Variants in CLDN10 observed in about 807,000 individuals in gnomAD.
CLDN10 encodes the protein claudin 10.
A neutral mutation model predicts 22.9 loss-of-function variants in CLDN10; 15 were observed. The observed-to-expected ratio is 0.65, with a 90% CI of 0.44 to 1.01. CLDN10 has a LOEUF of 1.01. Ranked by LOEUF, CLDN10 falls within the 50% of genes least tolerant of loss-of-function variation. The pLI is 0.00. For synonymous variants in CLDN10, 114 were observed against 111.4 expected, an observed-to-expected ratio of 1.02 and a Z score of -0.15; for missense variants, 247 against 287.8, an observed-to-expected ratio of 0.86 and a Z score of 1.03.
intron 1 of CLDN10, among the ~76,000 whole-genome samples, chr13:95,480,370 A>G (rs9584312): frequency 0.57 from 87,274 of 152,140 alleles, 26,882 homozygotes; most frequent in African/African-American, 0.82. Flanking sequence ...CCTGTATTAG[A>G]GGAGAATGCC....
At chr13:95,506,726 A>G (rs2043042577) in intron 1 of CLDN10, among the ~76,000 whole-genome samples, 1 of 152,156 alleles carries the variant, frequency 6.6e-6, no homozygotes, top group Admixed American at 6.5e-5. Context: ...ACTTGGTGAG[A>G]GTTGTAGTCT....
chr13:95,494,023 T>A (rs886476871), intron 1 of CLDN10, among the ~76,000 whole-genome samples: 5 of 152,264 alleles, frequency 3.3e-5, no homozygotes, highest in African/African-American at 9.6e-5. Flanking sequence ...GATAAAGACG[T>A]TTTAACATAA....
chr13:95,491,072 T>C (rs989535719), intron 1 of CLDN10, among the ~76,000 whole-genome samples: 3 of 152,220 alleles, frequency 2.0e-5, no homozygotes, highest in Middle Eastern at 3.2e-3. Flanking sequence ...TAAGAATAAC[T>C]ACCCCTGCTC....
At chr13:95,506,532 T>C (rs2043040782) in intron 1 of CLDN10, among the ~76,000 whole-genome samples, 1 of 152,184 alleles carries the variant, frequency 6.6e-6, no homozygotes, top group African/African-American at 2.4e-5. Flanking sequence ...CTGGGAGAAG[T>C]TCTGCCACCT....
intron 1 of CLDN10, among the ~76,000 whole-genome samples, chr13:95,501,043 A>C (rs9524987): frequency 0.42 from 64,053 of 151,692 alleles, 14,799 homozygotes; most frequent in Non-Finnish European, 0.51. Flanking sequence ...TTTACAGAGT[A>C]TTACTCTGTC....
At chr13:95,536,666 C>CG (rs1328561231) in intron 1 of CLDN10, among the ~76,000 whole-genome samples, 4 of 152,144 alleles carry the variant, frequency 2.6e-5, no homozygotes. Flanking sequence ...GCCATCTATG[C>CG]GTTGCAGTTA....
chr13:95,489,444 T>C (rs1228535335), intron 1 of CLDN10, among the ~76,000 whole-genome samples: 1 of 152,168 alleles, frequency 6.6e-6, no homozygotes, highest in African/African-American at 2.4e-5. Flanking sequence ...TGGTATCGCA[T>C]TGTGGTTTTG....
intron 1 of CLDN10, among the ~76,000 whole-genome samples, chr13:95,469,613 T>C (rs2042611497): frequency 6.6e-6 from 1 of 152,220 alleles, no homozygotes; most frequent in Non-Finnish European, 1.5e-5. Flanking sequence ...GTAGCAGGGA[T>C]AGAACTGGAA....
In CLDN10 at chr13:95,554,297, G is replaced by GTGTT. The variant is rs2043606673; in HGVS notation, c.220+1325_220+1328dup. On this transcript the variant is annotated intron_variant, in intron 1 of 4. Coordinates refer to ENST00000299339, the MANE Select transcript of CLDN10 (RefSeq NM_006984.5). Reference sequence around the variant, plus strand: ...GTTCCTGTGATTTATAGTCAGCAATGTGTTACTGTCCTCTGAACACTCTTC... The same window carrying GTGTT: ...GTTCCTGTGATTTATAGTCAGCAATGTGTTTGTTACTGTCCTCTGAACACTCTTC... 2.0e-5 allele frequency among the ~76,000 whole-genome samples: 3 copies of GTGTT among 152,166 alleles called. No individual in the cohort carries two copies. The South Asian group carries it at 6.2e-4, about 32-fold the overall frequency.
chr13:95,444,272 T>C (rs940045478), intron 1 of CLDN10, among the ~76,000 whole-genome samples: 80 of 152,204 alleles, frequency 5.3e-4, no homozygotes, highest in African/African-American at 1.6e-3. Flanking sequence ...TAATGTACAT[T>C]ATAGAAAGCG....
At chr13:95,496,832 G>A (rs1268165471) in intron 1 of CLDN10, among the ~76,000 whole-genome samples, 1 of 152,184 alleles carries the variant, frequency 6.6e-6, no homozygotes, top group South Asian at 2.1e-4. Flanking sequence ...GGGGACCCAA[G>A]CCTCCAGTAC....
intron 1 of CLDN10, among the ~76,000 whole-genome samples, chr13:95,459,123 G>A (rs2042510441): frequency 6.6e-6 from 1 of 152,170 alleles, no homozygotes. Context: ...GTCTCCCATG[G>A]CCTTGGACAG....
At chr13:95,542,755 C>T (rs2043472232) in intron 1 of CLDN10, among the ~76,000 whole-genome samples, 1 of 152,046 alleles carries the variant, frequency 6.6e-6, no homozygotes, top group African/African-American at 2.4e-5. Flanking sequence ...TGCAGTGAGC[C>T]AAGATGGTGC....
intron 1 of CLDN10, among the ~76,000 whole-genome samples, chr13:95,453,834 G>A (rs1000111405): frequency 1.3e-5 from 2 of 152,040 alleles, no homozygotes; most frequent in Non-Finnish European, 2.9e-5. Flanking sequence ...CTAGTGCCTC[G>A]CTGGGCACGG....
chr13:95,536,633 C>T (rs1264874134), intron 1 of CLDN10, among the ~76,000 whole-genome samples: 1 of 152,122 alleles, frequency 6.6e-6, no homozygotes, highest in Admixed American at 6.5e-5. Flanking sequence ...ACGATAGATT[C>T]CTAATTCAAG....
intron 1 of CLDN10, among the ~76,000 whole-genome samples, chr13:95,554,742 CTG>C (rs1235359766): frequency 6.6e-6 from 1 of 152,224 alleles, no homozygotes; most frequent in African/African-American, 2.4e-5. Flanking sequence ...TGACTTGACT[CTG>C]TGTAACTGCT....
rs2043960606 is a variant in CLDN10 at position 95,577,968 on chromosome 13, A to G, written c.641A>G (p.Lys214Arg). The G allele has an allele frequency of 2.5e-6, 4 of 1,613,892 alleles. 1 individual carries two copies. In the East Asian group the frequency reaches 8.9e-5, roughly 36 times the overall value. Residue 214 changes from lysine (K) to arginine (R), a missense_variant, in exon 5 of 5, where the codon AAA becomes AGA. By Grantham distance (26) the Lys-to-Arg change is conservative. Coordinates refer to ENST00000299339, the MANE Select transcript of CLDN10 (RefSeq NM_006984.5). ...RTKYHGGEDF[K>R]TTNPSKQFDK... ...AAGTATCATGGTGGAGAAGATTTTA[A>G]AACAACAAACCCTTCAAAACAGTTT...
At chr13:95,510,012 G>A (rs1297203489) in intron 1 of CLDN10, among the ~76,000 whole-genome samples, 1 of 152,196 alleles carries the variant, frequency 6.6e-6, no homozygotes, top group Non-Finnish European at 1.5e-5. Flanking sequence ...CAACTTGGCT[G>A]ATTCTAAACT....
At chr13:95,494,153 TA>T (rs2042904287) in intron 1 of CLDN10, among the ~76,000 whole-genome samples, 1 of 152,200 alleles carries the variant, frequency 6.6e-6, no homozygotes, top group Non-Finnish European at 1.5e-5. Context: ...AATTGCCTCA[TA>T]AAAGATAGAT....
Sources: allele counts gnomAD v4.1 joint callset (sites outside exome capture counted in the v4.1 genomes callset), GRCh38; gene constraint gnomAD v4.1.1; transcripts MANE v1.5; gene names NCBI Gene and HGNC (gene_info 2026-07-23, HGNC 2026-07-21).